OR8D1: variants seen among roughly 807,000 people sequenced by gnomAD.
OR8D1 encodes the protein olfactory receptor family 8 subfamily D member 1.
For missense variants in OR8D1, 384 were observed against 366.8 expected, an observed-to-expected ratio of 1.05 and a Z score of -0.38; for synonymous variants, 143 against 147.0, an observed-to-expected ratio of 0.97 and a Z score of 0.20.
In OR8D1 at chr11:124,305,484, A is replaced by G. The variant is rs1862361552; in HGVS notation, c.*4356T>C. 1 of 151,842 alleles carries G rather than the reference A, an allele frequency of 6.6e-6. No homozygotes were observed. Among genetic ancestry groups the G allele is most frequent in the African/African-American group, 2.4e-5 (1 of 41,388 alleles). 9.4% of individuals were successfully genotyped at this position (151,842 alleles called of 1,614,324 possible). ...AGTTTGTATACAGTTCAAAAAAAAA[A>G]GAAAATGACCAATTGTACAAGTCAA... is the stretch of plus-strand genomic sequence containing the variant. On this transcript the variant is annotated 3_prime_UTR_variant, in exon 3 of 3. Coordinates refer to ENST00000641015, the MANE Select transcript of OR8D1 (RefSeq NM_001002917.2).
At position 124,309,931 on chromosome 11, in the gene OR8D1, G is replaced by A. The variant is rs759699974; in HGVS notation, c.836C>T (p.Thr279Ile). ...DQEKVSSVFY[T>I]TVIPMLNPLI... is the part of the protein sequence containing the mutation. ...AGGGTTCAGCATGGGGATCACCGTG[G>A]TGTAGAACACAGAGGACACCTTCTC... The change falls in exon 3 of 3, where the codon ACC (threonine) becomes ATC (isoleucine). Residue 279 changes from threonine (T) to isoleucine (I), a missense_variant. Transcript: ENST00000641015. 3.3e-5 allele frequency: 51 copies of A among 1,539,500 alleles called. No homozygotes were observed. The East Asian group carries it at 1.1e-3, about 34-fold the overall frequency.
intron 1 of OR8D1, among the ~76,000 whole-genome samples, chr11:124,312,898 G>A (rs1414085135): frequency 6.6e-6 from 1 of 151,926 alleles, no homozygotes; most frequent in Non-Finnish European, 1.5e-5. Flanking sequence ...TTTGAGCCAG[G>A]CGTGGTGCCT....
chr11:124,310,477 C>A lies in OR8D1; in HGVS notation c.290G>T (p.Cys97Phe). 1 of 1,613,698 alleles carries A rather than the reference C, an allele frequency of 6.2e-7. No homozygotes were observed. The highest frequency in any genetic ancestry group is 8.5e-7 in the Non-Finnish European group (1 of 1,179,872). Residue 97 changes from cysteine (C) to phenylalanine (F), a missense_variant, in exon 3 of 3, where the codon TGC becomes TTC. By Grantham distance (205) the Cys-to-Phe change is radical (BLOSUM62 -2). Coordinates refer to ENST00000641015, the MANE Select transcript of OR8D1 (RefSeq NM_001002917.2). ...GKKNTILYSE[C>F]MVQLFFFVVF... ...CACAAAGAAAAAGAGCTGGACCATG[C>A]ACTCAGAGTAAAGGATTGTATTCTT...
At position 124,306,420 on chromosome 11, in the gene OR8D1, T is replaced by G. The variant is rs1456502496; in HGVS notation, c.*3420A>C. ...TTATATATATAATATTCATATAATA[T>G]TCACAGTGAAACTTCTGCATACTTT... On this transcript the variant is annotated 3_prime_UTR_variant, in exon 3 of 3. Transcript: ENST00000641015. 1.3e-5 allele frequency: 2 copies of G among 149,170 alleles called. No homozygotes were observed. Among genetic ancestry groups the G allele is most frequent in the East Asian group, 3.9e-4 (2 of 5,146 alleles). 9.2% of individuals were successfully genotyped at this position (149,170 alleles called of 1,614,324 possible). A position where few individuals can be genotyped will look rare whatever the true frequency, so the allele number is the denominator to read the frequency against.
rs960917957 is a variant in OR8D1 at position 124,306,003 on chromosome 11, A to T, written c.*3837T>A. ...AAATTATTTTAATGATACCATATTTATTCTACTGGATATCTGAATCTTACT... is the reference window on the plus strand; with the variant it reads ...AAATTATTTTAATGATACCATATTTTTTCTACTGGATATCTGAATCTTACT... On this transcript the variant is annotated 3_prime_UTR_variant, in exon 3 of 3. Coordinates refer to ENST00000641015, the MANE Select transcript of OR8D1 (RefSeq NM_001002917.2). The T allele has an allele frequency of 6.6e-6, 1 of 151,776 alleles. No homozygotes were observed. Among genetic ancestry groups the T allele is most frequent in the Non-Finnish European group, 1.5e-5 (1 of 67,874 alleles). The allele number at this position is 151,776 out of a possible 1,614,324, so 9.4% of individuals were successfully genotyped here. A position where few individuals can be genotyped will look rare whatever the true frequency, so the allele number is the denominator to read the frequency against.
chr11:124,306,559 A>G lies in OR8D1; in HGVS notation c.*3281T>C, dbSNP rs1191569245. ...CCATTGTCCTTATTTTCCCTTCTGT[A>G]GTAAGACAAAAACATCCTAATAGTG... On this transcript the variant is annotated 3_prime_UTR_variant, in exon 3 of 3. Coordinates refer to ENST00000641015, the MANE Select transcript of OR8D1 (RefSeq NM_001002917.2). The G allele has an allele frequency of 6.6e-6, 1 of 151,748 alleles. No individual in the cohort carries two copies. Among genetic ancestry groups the G allele is most frequent in the African/African-American group, 2.4e-5 (1 of 41,350 alleles). 9.4% of individuals were successfully genotyped at this position (151,748 alleles called of 1,614,324 possible).
rs997200142 is a variant in OR8D1, at chr11:124,304,103, A to T, written c.*5737T>A. 1 of 152,038 alleles carries T rather than the reference A, an allele frequency of 6.6e-6. No individual in the cohort carries two copies. The highest frequency in any genetic ancestry group is 1.5e-5 in the Non-Finnish European group (1 of 67,950). 9.4% of individuals were successfully genotyped at this position (152,038 alleles called of 1,614,324 possible). On this transcript the variant is annotated 3_prime_UTR_variant, in exon 3 of 3. Transcript: ENST00000641015. The stretch of plus-strand genomic sequence containing the variant: ...GTCTGTGAACTCTAAACTATTTGTT[A>T]TCTGGTTTTTTAGAGAAAACATGTC...
At position 124,309,190 on chromosome 11, in the gene OR8D1, A is replaced by G. The variant is rs879663918; in HGVS notation, c.*650T>C. On this transcript the variant is annotated 3_prime_UTR_variant, in exon 3 of 3. Coordinates refer to ENST00000641015, the MANE Select transcript of OR8D1 (RefSeq NM_001002917.2). ...GTGTAGAACTGTGGTGTTAAAGTAGATATACAAATACAAAAAAAACAAAAC... is the reference window on the plus strand; with the variant it reads ...GTGTAGAACTGTGGTGTTAAAGTAGGTATACAAATACAAAAAAAACAAAAC... 3.3e-5 allele frequency: 5 copies of G among 151,030 alleles called. No individual in the cohort carries two copies. The highest frequency in any genetic ancestry group is 5.9e-5 in the Non-Finnish European group (4 of 67,710). The allele number at this position is 151,030 out of a possible 1,614,324, so 9.4% of individuals were successfully genotyped here.
At position 124,309,090 on chromosome 11, in the gene OR8D1, C is replaced by G. The variant is rs1862392320; in HGVS notation, c.*750G>C. 6.6e-6 allele frequency: 1 copy of G among 152,026 alleles called. No individual in the cohort carries two copies. The highest frequency in any genetic ancestry group is 6.6e-5 in the Admixed American group (1 of 15,256). 9.4% of individuals were successfully genotyped at this position (152,026 alleles called of 1,614,324 possible). ...AACAAATGTGGGGGTTATATCTTCC[C>G]TATGAGGAAGGTTTTTCAACCTTAG... On this transcript the variant is annotated 3_prime_UTR_variant, in exon 3 of 3. Transcript: ENST00000641015.
Position 124,306,823 on chromosome 11 carries a change from G to T in OR8D1, c.*3017C>A, listed in dbSNP as rs1019622620. The T allele has an allele frequency of 4.6e-5, 7 of 151,908 alleles. No homozygotes were observed. The highest frequency in any genetic ancestry group is 1.0e-4 in the Non-Finnish European group (7 of 67,944). The allele number at this position is 151,908 out of a possible 1,614,324, so 9.4% of individuals were successfully genotyped here. A position where few individuals can be genotyped will look rare whatever the true frequency, so the allele number is the denominator to read the frequency against. ...TTCTGATGTTCCCATCCCTGAGGAG[G>T]AACACCTATTACTCTAATACTCCCG... On this transcript the variant is annotated 3_prime_UTR_variant, in exon 3 of 3. Transcript: ENST00000641015.
At chr11:124,311,963 T>C (rs185663575) in intron 1 of OR8D1, among the ~76,000 whole-genome samples, 1 of 152,236 alleles carries the variant, frequency 6.6e-6, no homozygotes, top group Admixed American at 6.5e-5. Context: ...ATGGAAAGGT[T>C]TGGGTATCAA....
In OR8D1 at chr11:124,310,550, A is replaced by G; in HGVS notation, c.217T>C (p.Tyr73His). ...ATTTTGGGAGTAATGACAGAGGAATAGCAGAAATCGACGAAGGACAAGCTG... is the reference window on the plus strand; with the variant it reads ...ATTTTGGGAGTAATGACAGAGGAATGGCAGAAATCGACGAAGGACAAGCTG... ...LSSLSFVDFCYSSVITPKMLV... is the reference protein window; with the variant it reads ...LSSLSFVDFCHSSVITPKMLV... Residue 73 changes from tyrosine (Y) to histidine (H), a missense_variant, in exon 3 of 3, where the codon TAT becomes CAT. By Grantham distance (83) the Tyr-to-His change is moderately conservative. Coordinates refer to ENST00000641015, the MANE Select transcript of OR8D1 (RefSeq NM_001002917.2). The G allele has an allele frequency of 6.2e-7, 1 of 1,613,890 alleles. No individual in the cohort carries two copies. Among genetic ancestry groups the G allele is most frequent in the South Asian group, 1.1e-5 (1 of 91,080 alleles).
At chr11:124,313,196 G>A (rs979167686) in intron 1 of OR8D1, among the ~76,000 whole-genome samples, 4 of 137,796 alleles carry the variant, frequency 2.9e-5, no homozygotes, top group African/African-American at 8.3e-5. Context: ...AAAGAAGGAA[G>A]GAAAGAAAGA....
rs966736158 is a variant in OR8D1 at position 124,303,255 on chromosome 11, C to T, written c.*6585G>A. ...AACCATCAGATCTTGTGAGAATTCA[C>T]TCACTATTACAAGAACAGCATGGAG... On this transcript the variant is annotated 3_prime_UTR_variant, in exon 3 of 3. Transcript: ENST00000641015. The T allele has an allele frequency of 2.0e-5, 3 of 151,996 alleles. No homozygotes were observed. Among genetic ancestry groups the T allele is most frequent in the Non-Finnish European group, 4.4e-5 (3 of 67,980 alleles). 9.4% of individuals were successfully genotyped at this position (151,996 alleles called of 1,614,324 possible). A position where few individuals can be genotyped will look rare whatever the true frequency, so the allele number is the denominator to read the frequency against.
Position 124,311,568 on chromosome 11 carries a change from A to C in OR8D1, c.-17+4T>G, listed in dbSNP as rs1046084465. 1 of 152,318 alleles carries C rather than the reference A, an allele frequency of 6.6e-6. No individual in the cohort carries two copies. Among genetic ancestry groups the C allele is most frequent in the African/African-American group, 2.4e-5 (1 of 41,444 alleles). The allele number at this position is 152,318 out of a possible 1,614,324, so 9.4% of individuals were successfully genotyped here. A position where few individuals can be genotyped will look rare whatever the true frequency, so the allele number is the denominator to read the frequency against. Reference sequence around the variant, plus strand: ...ACGAGATCCGCACACCCCACAGAACAGACCTTACGGTGGCAGGAAAAGGTG... The same window carrying C: ...ACGAGATCCGCACACCCCACAGAACCGACCTTACGGTGGCAGGAAAAGGTG... On this transcript the variant is annotated splice_donor_region_variant and intron_variant, in intron 2 of 2. Coordinates refer to ENST00000641015, the MANE Select transcript of OR8D1 (RefSeq NM_001002917.2).
In OR8D1 at chr11:124,310,468, T is replaced by C; in HGVS notation, c.299A>G (p.Gln100Arg). ...NTILYSECMV[Q>R]LFFFVVFVVA... is the part of the protein sequence containing the mutation. ...CACAAAGACCACAAAGAAAAAGAGCTGGACCATGCACTCAGAGTAAAGGAT... is the reference window on the plus strand; with the variant it reads ...CACAAAGACCACAAAGAAAAAGAGCCGGACCATGCACTCAGAGTAAAGGAT... Residue 100 changes from glutamine (Q) to arginine (R), a missense_variant, in exon 3 of 3, where the codon CAG becomes CGG. Gln to Arg is a conservative substitution (Grantham distance 43). Transcript: ENST00000641015. 6.2e-7 allele frequency: 1 copy of C among 1,613,684 alleles called. No individual in the cohort carries two copies. The highest frequency in any genetic ancestry group is 1.1e-5 in the South Asian group (1 of 91,064).
In OR8D1 at chr11:124,310,257, T is replaced by A. The variant is rs1862407953; in HGVS notation, c.510A>T (p.Lys170Asn). The A allele has an allele frequency of 6.2e-7, 1 of 1,613,684 alleles. No individual in the cohort carries two copies. Among genetic ancestry groups the A allele is most frequent in the Admixed American group, 1.7e-5 (1 of 59,952 alleles). Residue 170 changes from lysine to asparagine, a missense_variant, in exon 3 of 3, where the codon AAA (lysine) becomes AAT (asparagine). Physicochemically the swap from Lys to Asn is moderately conservative, Grantham distance 94 (BLOSUM62 0). Coordinates refer to ENST00000641015, the MANE Select transcript of OR8D1 (RefSeq NM_001002917.2). ...AGAAGTAATGGTTGATAATGTGGGA[T>A]TTGCAAAAGGACAGTTTCATCATGG... ...TSAMMKLSFC[K>N]SHIINHYFCD...
rs1018302543 is a variant in OR8D1 at position 124,302,894 on chromosome 11, C to G, written c.*6946G>C. 1.3e-5 allele frequency: 2 copies of G among 152,088 alleles called. No individual in the cohort carries two copies. Among genetic ancestry groups the G allele is most frequent in the Admixed American group, 1.3e-4 (2 of 15,242 alleles). The allele number at this position is 152,088 out of a possible 1,614,324, so 9.4% of individuals were successfully genotyped here. A position where few individuals can be genotyped will look rare whatever the true frequency, so the allele number is the denominator to read the frequency against. On this transcript the variant is annotated 3_prime_UTR_variant, in exon 3 of 3. Coordinates refer to ENST00000641015, the MANE Select transcript of OR8D1 (RefSeq NM_001002917.2). The stretch of plus-strand genomic sequence containing the variant: ...AGGAAGAATTGGAGTAGTGTGATTT[C>G]TTTACAAATGAGTATATGCAGGAAT...
intron 1 of OR8D1, among the ~76,000 whole-genome samples, chr11:124,313,089 G>T (rs764903770): frequency 6.6e-6 from 1 of 151,508 alleles, no homozygotes; most frequent in Non-Finnish European, 1.5e-5. Context: ...CAGGAGAATC[G>T]CTTGAACCTG....
Sources: allele counts gnomAD v4.1 joint callset (sites outside exome capture counted in the v4.1 genomes callset), GRCh38; gene constraint gnomAD v4.1.1; transcripts MANE v1.5; gene names NCBI Gene and HGNC (gene_info 2026-07-23, HGNC 2026-07-21).